The following ADAM2 variants were observed in gnomAD, a reference collection of about 807,000 sequenced individuals.
ADAM2 encodes disintegrin and metalloproteinase domain-containing protein 2.
Under a neutral mutation model 99.3 loss-of-function variants are expected in ADAM2, and 101 were observed. That is an observed-to-expected ratio of 1.02 (90% confidence interval 0.87 to 1.20). The LOEUF (loss-of-function observed/expected upper bound fraction) is 1.20, where lower values mean the gene tolerates loss of function less well. ADAM2 is among the 50% of genes most tolerant of loss of function. ADAM2 has a pLI of 0.00. For synonymous variants in ADAM2, 323 were observed against 287.6 expected, an observed-to-expected ratio of 1.12 and a Z score of -1.25; for missense variants, 948 against 878.7, an observed-to-expected ratio of 1.08 and a Z score of -1.00.
At chr8:39,762,516 G>C (rs1802408698) in intron 14 of ADAM2, among the ~76,000 whole-genome samples, 1 of 152,202 alleles carries the variant, frequency 6.6e-6, no homozygotes, top group African/African-American at 2.4e-5. Flanking sequence ...TTAGGCTATA[G>C]TCTCAAGTTA....
At chr8:39,752,325 T>A (rs1181444749) in intron 16 of ADAM2, among the ~76,000 whole-genome samples, 1 of 152,024 alleles carries the variant, frequency 6.6e-6, no homozygotes, top group Non-Finnish European at 1.5e-5. Context: ...CTGGCTGAAA[T>A]AACATTATAG....
At chr8:39,822,524 C>G (rs955828374) in intron 4 of ADAM2, among the ~76,000 whole-genome samples, 1 of 146,116 alleles carries the variant, frequency 6.8e-6, no homozygotes, top group Non-Finnish European at 1.5e-5. Context: ...TTTGCCTTCA[C>G]TATAATATCT....
chr8:39,750,087 G>A (rs371376723), intron 16 of ADAM2, among the ~76,000 whole-genome samples: 3 of 152,198 alleles, frequency 2.0e-5, no homozygotes, highest in African/African-American at 7.2e-5. Context: ...TACAGGAAAT[G>A]TGTCAAATAT....
chr8:39,805,367 CA>C (rs1554527984), intron 7 of ADAM2, among the ~76,000 whole-genome samples: 1 of 152,098 alleles, frequency 6.6e-6, no homozygotes, highest in Non-Finnish European at 1.5e-5. Flanking sequence ...ATCTAGTTTA[CA>C]AAGCCAATGA....
intron 6 of ADAM2, among the ~76,000 whole-genome samples, chr8:39,809,748 T>A (rs905694024): frequency 2.6e-5 from 4 of 151,928 alleles, no homozygotes; most frequent in African/African-American, 9.7e-5. Flanking sequence ...TTCTCTCTTT[T>A]ACCAGGCCTG....
intron 7 of ADAM2, among the ~76,000 whole-genome samples, chr8:39,795,361 A>G (rs931867270): frequency 1.2e-4 from 19 of 152,152 alleles, no homozygotes; most frequent in African/African-American, 4.6e-4. Flanking sequence ...AGGAAAAGAC[A>G]ACAGCACAGA....
chr8:39,791,054 C>G (rs1417464391), intron 7 of ADAM2, among the ~76,000 whole-genome samples: 1 of 149,492 alleles, frequency 6.7e-6, no homozygotes, highest in African/African-American at 2.5e-5. Context: ...ATAACACTTA[C>G]AATTTAAAAA....
intron 7 of ADAM2, among the ~76,000 whole-genome samples, chr8:39,790,882 A>G (rs905134325): frequency 6.6e-6 from 1 of 151,918 alleles, no homozygotes; most frequent in African/African-American, 2.4e-5. Flanking sequence ...AATGTCCCCA[A>G]TTAACACTCC....
At chr8:39,807,433 G>A (rs967300360) in intron 7 of ADAM2, among the ~76,000 whole-genome samples, 6 of 152,146 alleles carry the variant, frequency 3.9e-5, no homozygotes, top group Non-Finnish European at 8.8e-5. Context: ...AGAAGGACAC[G>A]AATATGGGGA....
chr8:39,800,924 C>T (rs1488595643), intron 7 of ADAM2, among the ~76,000 whole-genome samples: 1 of 152,148 alleles, frequency 6.6e-6, no homozygotes, highest in African/African-American at 2.4e-5. Context: ...AGCAATTCCT[C>T]TGACCTTTTA....
intron 7 of ADAM2, among the ~76,000 whole-genome samples, chr8:39,798,945 T>G (rs1586120349): frequency 6.6e-6 from 1 of 152,162 alleles, no homozygotes; most frequent in East Asian, 1.9e-4. Context: ...TTTATTAGTC[T>G]AGCTTGCAGT....
intron 10 of ADAM2, among the ~76,000 whole-genome samples, chr8:39,786,378 C>T (rs543487818): frequency 2.0e-5 from 3 of 152,064 alleles, no homozygotes; most frequent in African/African-American, 7.2e-5. Context: ...TTGTTCATTG[C>T]CTCTAAGAAA....
chr8:39,744,821 G>GA lies in ADAM2; in HGVS notation c.*30+8dup, dbSNP rs1430860181. Reference sequence around the variant, plus strand: ...TAAAATAAATTTTAAAAAAATGAAAGAAACTCACAGTGATATCATGGCATC... The same window carrying GA: ...TAAAATAAATTTTAAAAAAATGAAAGAAAACTCACAGTGATATCATGGCATC... On this transcript the variant is annotated intron_variant, in intron 20 of 20. Coordinates refer to ENST00000265708, the MANE Select transcript of ADAM2 (RefSeq NM_001464.5). 3.2e-6 allele frequency: 5 copies of GA among 1,553,332 alleles called. No homozygotes were observed. In the East Asian group the frequency reaches 1.1e-4, roughly 35 times the overall value.
intron 10 of ADAM2, among the ~76,000 whole-genome samples, chr8:39,781,990 G>C (rs943136987): frequency 6.6e-6 from 1 of 152,162 alleles, no homozygotes; most frequent in Admixed American, 6.5e-5. Flanking sequence ...TAAATAAGTT[G>C]TTATGAAGCA....
At position 39,744,893 on chromosome 8, in the gene ADAM2, C is replaced by A. The variant is rs1823387127; in HGVS notation, c.2175G>T (p.Glu725Asp). ...KWRTEDYSSD[E>D]QPESESEPKG ...TAGGTTCACTCTCACTTTCAGGTTG[C>A]CTGCATATTAAAAATAAAAATAATA... Residue 725 changes from glutamate (E) to aspartate (D), a missense_variant and splice_region_variant, in exon 20 of 21, where the codon GAG becomes GAT. Glu to Asp is a conservative substitution (Grantham distance 45, BLOSUM62 2). Coordinates refer to ENST00000265708, the MANE Select transcript of ADAM2 (RefSeq NM_001464.5). The A allele has an allele frequency of 6.3e-7, 1 of 1,597,526 alleles. No homozygotes were observed. Among genetic ancestry groups the A allele is most frequent in the Non-Finnish European group, 8.5e-7 (1 of 1,170,172 alleles).
chr8:39,806,310 C>G (rs1359520807), intron 7 of ADAM2, among the ~76,000 whole-genome samples: 1 of 151,480 alleles, frequency 6.6e-6, no homozygotes, highest in Non-Finnish European at 1.5e-5. Context: ...GCTAGAGAGG[C>G]AGAGTCTTCA....
At chr8:39,778,317 A>G (rs1803081104) in intron 10 of ADAM2, among the ~76,000 whole-genome samples, 1 of 152,036 alleles carries the variant, frequency 6.6e-6, no homozygotes, top group African/African-American at 2.4e-5. Context: ...AAAAGATGAC[A>G]CAAATGGATT....
chr8:39,767,018 C>A lies in ADAM2; in HGVS notation c.1337G>T (p.Arg446Met), dbSNP rs765359299. 6.2e-7 allele frequency: 1 copy of A among 1,613,888 alleles called. No homozygotes were observed. Among genetic ancestry groups the A allele is most frequent in the Non-Finnish European group, 8.5e-7 (1 of 1,179,912 alleles). The change falls in exon 14 of 21, where the codon AGG becomes ATG. Residue 446 changes from arginine to methionine, a missense_variant. Arg to Met is a moderately conservative substitution (Grantham distance 91). Coordinates refer to ENST00000265708, the MANE Select transcript of ADAM2 (RefSeq NM_001464.5). ...GAGGTCGCATTCTTCAAAGGAAGGC[C>A]TACACATTCTTTCTTTTGACATAAA... ...CLFMSKERMCRPSFEECDLPE... is the reference protein window; with the variant it reads ...CLFMSKERMCMPSFEECDLPE...
intron 4 of ADAM2, among the ~76,000 whole-genome samples, chr8:39,823,344 CA>C (rs1805276166): frequency 6.6e-6 from 1 of 151,954 alleles, no homozygotes; most frequent in African/African-American, 2.4e-5. Context: ...ATAAATAATC[CA>C]ATAAATACAC....
Sources: gnomAD v4.1 joint callset for allele counts (sites outside exome capture counted in the v4.1 genomes callset) on GRCh38, gnomAD v4.1.1 for gene constraint, MANE v1.5 for transcripts, NCBI Gene and HGNC (gene_info 2026-07-23, HGNC 2026-07-21) for gene names.